The following PHLPP1 variants were observed in gnomAD, a reference collection of about 807,000 sequenced individuals.
The protein encoded by PHLPP1 is PH domain leucine-rich repeat-containing protein phosphatase 1.
Under a neutral mutation model 117.2 loss-of-function variants are expected in PHLPP1, and 42 were observed. The ratio of observed to expected loss-of-function variants is 0.36; its 90% confidence interval spans 0.28 to 0.46. The LOEUF is 0.46. Ranked by LOEUF, PHLPP1 falls within the 20% of genes least tolerant of loss-of-function variation. The pLI is 1.00. For synonymous variants in PHLPP1, 1,042 were observed against 970.7 expected, an observed-to-expected ratio of 1.07 and a Z score of -1.37; for missense variants, 2,084 against 2,241.9, an observed-to-expected ratio of 0.93 and a Z score of 1.42.
At chr18:62,798,900 A>AAAAAC (rs201189089) in intron 1 of PHLPP1, among the ~76,000 whole-genome samples, 193 of 152,296 alleles carry the variant, frequency 1.3e-3, no homozygotes, top group Admixed American at 1.8e-3. Context: ...GGGCATGTTT[A>AAAAAC]AAAACAAAAC....
intron 1 of PHLPP1, among the ~76,000 whole-genome samples, chr18:62,748,057 T>C (rs1204322505): frequency 6.6e-6 from 1 of 152,154 alleles, no homozygotes; most frequent in East Asian, 1.9e-4. Flanking sequence ...TTAGGTCTAA[T>C]GTGTTCCTTA....
rs1457351275 is a variant in PHLPP1 at position 62,717,276 on chromosome 18, C to T, written c.1576+17C>T. ...TCTATGCAGGTAAGGAAGTCACCTG[C>T]CTTGACGGGTGGTTGCAAAAGCTGC... is the stretch of plus-strand genomic sequence containing the variant. On this transcript the variant is annotated intron_variant, in intron 1 of 16. Coordinates refer to ENST00000262719, the MANE Select transcript of PHLPP1 (RefSeq NM_194449.4). 2.6e-6 allele frequency: 4 copies of T among 1,541,604 alleles called. No homozygotes were observed. Among genetic ancestry groups the T allele is most frequent in the Non-Finnish European group, 3.5e-6 (4 of 1,142,286 alleles).
intron 1 of PHLPP1, among the ~76,000 whole-genome samples, chr18:62,821,377 T>C (rs948070450): frequency 6.6e-6 from 1 of 151,698 alleles, no homozygotes; most frequent in Non-Finnish European, 1.5e-5. Flanking sequence ...GGCGAAACCC[T>C]GTCTCTACAA....
intron 10 of PHLPP1, among the ~76,000 whole-genome samples, chr18:62,940,460 G>T (rs1020232221): frequency 7.2e-6 from 1 of 139,038 alleles, no homozygotes; most frequent in African/African-American, 2.7e-5. Flanking sequence ...TGCCTCCTGG[G>T]TTCACGCCAT....
At chr18:62,865,148 C>T (rs886553979) in intron 4 of PHLPP1, among the ~76,000 whole-genome samples, 4 of 152,060 alleles carry the variant, frequency 2.6e-5, no homozygotes, top group African/African-American at 9.7e-5. Context: ...TGTCATGAGA[C>T]CCCATCTCTA....
chr18:62,780,099 A>T (rs1422984028), intron 1 of PHLPP1, among the ~76,000 whole-genome samples: 1 of 152,116 alleles, frequency 6.6e-6, no homozygotes, highest in Admixed American at 6.5e-5. Context: ...GCTTGTGGGA[A>T]TTTTTATAGG....
At chr18:62,958,431 A>T (rs888143708) in intron 12 of PHLPP1, among the ~76,000 whole-genome samples, 198 bp from the exon 13 acceptor site, 3 of 152,244 alleles carry the variant, frequency 2.0e-5, no homozygotes, top group Non-Finnish European at 4.4e-5. Flanking sequence ...AAAGAAAATT[A>T]AAAAATTTTT....
intron 3 of PHLPP1, among the ~76,000 whole-genome samples, chr18:62,853,411 C>T (rs1915411205): frequency 6.6e-6 from 1 of 151,084 alleles, no homozygotes; most frequent in Non-Finnish European, 1.5e-5. Flanking sequence ...CTGTTGTTGC[C>T]CAGGCTGGAG....
chr18:62,755,829 G>A (rs1911999051), intron 1 of PHLPP1, among the ~76,000 whole-genome samples: 1 of 152,118 alleles, frequency 6.6e-6, no homozygotes, highest in South Asian at 2.1e-4. Flanking sequence ...TGCTTGAACT[G>A]GGCAGTTTCT....
chr18:62,715,758 G>GGCC lies in PHLPP1; in HGVS notation c.81_83dup (p.Ala40dup). ...GGGAGGACCGAGCTTCGGCTCCGGC[G>GGCC]GCCGCCGCTGCGGCAGCAGCAGCAG... On this transcript the variant is annotated inframe_insertion, in exon 1 of 17. Transcript: ENST00000262719. The GGCC allele has an allele frequency of 2.7e-6, 3 of 1,103,910 alleles. No individual in the cohort carries two copies. Among genetic ancestry groups the GGCC allele is most frequent in the Non-Finnish European group, 3.3e-6 (3 of 896,236 alleles). 68.4% of individuals were successfully genotyped at this position (1,103,910 alleles called of 1,614,324 possible).
chr18:62,895,881 T>C lies in PHLPP1; in HGVS notation c.2314T>C (p.Phe772Leu). 6.2e-7 allele frequency: 1 copy of C among 1,613,122 alleles called. No individual in the cohort carries two copies. Among genetic ancestry groups the C allele is most frequent in the Non-Finnish European group, 8.5e-7 (1 of 1,179,062 alleles). ...LSYLGLSFNEFTDIPEVLEKL... is the reference protein window; with the variant it reads ...LSYLGLSFNELTDIPEVLEKL... Reference sequence around the variant, plus strand: ...TTATCTGGGTCTTTCTTTCAATGAATTTACTGACATTCCCGAAGTATTGGA... The same window carrying C: ...TTATCTGGGTCTTTCTTTCAATGAACTTACTGACATTCCCGAAGTATTGGA... The change falls in exon 6 of 17, where the codon TTT becomes CTT. Residue 772 changes from phenylalanine (F) to leucine (L), a missense_variant. By Grantham distance (22) the Phe-to-Leu change is conservative. This residue lies in a region of PHLPP1 where 1,365 missense variants were observed against 1,605.9 expected (regional missense o/e 0.85). Transcript: ENST00000262719.
chr18:62,803,721 G>C (rs1913852510), intron 1 of PHLPP1, among the ~76,000 whole-genome samples: 1 of 152,210 alleles, frequency 6.6e-6, no homozygotes, highest in South Asian at 2.1e-4. Flanking sequence ...TAGGAATGGA[G>C]TGGATAAGTT....
intron 1 of PHLPP1, among the ~76,000 whole-genome samples, chr18:62,787,603 G>C (rs2144285791): frequency 6.6e-6 from 1 of 152,098 alleles, no homozygotes; most frequent in East Asian, 1.9e-4. Flanking sequence ...ATTTTTATCA[G>C]CCTTTTCCCA....
At chr18:62,940,662 C>T (rs1481705645) in intron 10 of PHLPP1, among the ~76,000 whole-genome samples, 1 of 152,138 alleles carries the variant, frequency 6.6e-6, no homozygotes, top group Non-Finnish European at 1.5e-5. Flanking sequence ...CCACGCCTGG[C>T]CTTTATCCTC....
intron 1 of PHLPP1, among the ~76,000 whole-genome samples, chr18:62,789,955 C>G (rs992488854): frequency 6.6e-6 from 1 of 152,022 alleles, no homozygotes; most frequent in African/African-American, 2.4e-5. Context: ...TCCTGTGTGT[C>G]TAAGTATACT....
At position 62,961,613 on chromosome 18, in the gene PHLPP1, T is replaced by C. The variant is rs73963641; in HGVS notation, c.3456-1755T>C. Reference sequence around the variant, plus strand: ...GATATGTCTTAAGAAACCTATTGTATTGCTGACTGTTTTAGATGGATAAAA... The same window carrying C: ...GATATGTCTTAAGAAACCTATTGTACTGCTGACTGTTTTAGATGGATAAAA... On this transcript the variant is annotated intron_variant, in intron 13 of 16. Coordinates refer to ENST00000262719, the MANE Select transcript of PHLPP1 (RefSeq NM_194449.4). 8.7e-3 allele frequency among the ~76,000 whole-genome samples: 1,323 copies of C among 152,350 alleles called. 23 individuals carry two copies. The highest frequency in any genetic ancestry group is 0.029 in the African/African-American group (1,211 of 41,574).
chr18:62,743,664 T>C (rs1200577944), intron 1 of PHLPP1, among the ~76,000 whole-genome samples: 1 of 152,240 alleles, frequency 6.6e-6, no homozygotes, highest in Non-Finnish European at 1.5e-5. Context: ...TGGTTTGAAT[T>C]ATGATCCAAA....
rs1261263099 is a variant in PHLPP1 at position 62,897,953 on chromosome 18, G to T, written c.2444+1942G>T. Among the ~76,000 whole-genome samples the T allele has an allele frequency of 4.0e-5, 4 of 98,818 alleles. No individual in the cohort carries two copies. In the Admixed American group the frequency reaches 4.4e-4, roughly 11 times the overall value. The allele number at this position is 98,818 out of a possible 152,430, so 64.8% of individuals were successfully genotyped here. A position where few individuals can be genotyped will look rare whatever the true frequency, so the allele number is the denominator to read the frequency against. On this transcript the variant is annotated intron_variant, in intron 6 of 16. Transcript: ENST00000262719. Reference sequence around the variant, plus strand: ...CATCAGATTGATTATTTTTTTCTTTGCATTGATGTTGTTTGAGTTTGATAT... The same window carrying T: ...CATCAGATTGATTATTTTTTTCTTTTCATTGATGTTGTTTGAGTTTGATAT...
intron 1 of PHLPP1, among the ~76,000 whole-genome samples, chr18:62,796,151 G>C (rs910180854): frequency 3.3e-5 from 5 of 152,206 alleles, no homozygotes; most frequent in Non-Finnish European, 7.3e-5. Flanking sequence ...AGTGATAATG[G>C]ATTTTGTTGA....
Sources: allele counts gnomAD v4.1 joint callset (sites outside exome capture counted in the v4.1 genomes callset), GRCh38; gene constraint gnomAD v4.1.1; regional missense constraint gnomAD v4.1.1; transcripts MANE v1.5; gene names NCBI Gene and HGNC (gene_info 2026-07-23, HGNC 2026-07-21).